KAZN: variants seen among roughly 807,000 people sequenced by gnomAD.
KAZN encodes the protein kazrin, periplakin interacting protein, also known as kazrin.
Under a neutral mutation model 87.4 loss-of-function variants are expected in KAZN, and 40 were observed. That is an observed-to-expected ratio of 0.46 (90% confidence interval 0.36 to 0.60). KAZN has a LOEUF of 0.60. Among genes scored for constraint, KAZN ranks in the 20% least tolerant of loss-of-function variants. The probability of loss-of-function intolerance (pLI) is 0.00; values close to 1 mark genes in which losing one functional copy is unlikely to be tolerated. For synonymous variants in KAZN, 466 were observed against 458.3 expected (o/e 1.02, Z -0.22); for missense variants, 898 against 1,073.9 (o/e 0.84, Z 2.29).
chr1:14,565,266 C>T (rs1304335100), intron 2 of KAZN, among the ~76,000 whole-genome samples: 2 of 152,168 alleles, frequency 1.3e-5, no homozygotes, highest in African/African-American at 4.8e-5. Flanking sequence ...TGAATGTCAT[C>T]ATAAAGTGAG....
At chr1:14,651,560 C>T (rs759253158) in intron 1 of KAZN, among the ~76,000 whole-genome samples, 9 of 152,120 alleles carry the variant, frequency 5.9e-5, no homozygotes, top group African/African-American at 9.7e-5. Flanking sequence ...CCTGGAACTA[C>T]GAATGTTTCT....
intron 1 of KAZN, among the ~76,000 whole-genome samples, chr1:14,770,372 C>T (rs12409934): frequency 1.4e-4 from 21 of 152,210 alleles, no homozygotes; most frequent in Middle Eastern, 3.4e-3. Context: ...TGATAGAGAA[C>T]GGATAATGCC....
chr1:14,394,566 TG>T (rs1479516743), intron 2 of KAZN, among the ~76,000 whole-genome samples: 2 of 152,212 alleles, frequency 1.3e-5, no homozygotes, highest in Non-Finnish European at 2.9e-5. Context: ...ATAACACTCC[TG>T]GGAAAATATA....
chr1:14,698,142 G>A (rs1641717901), intron 1 of KAZN, among the ~76,000 whole-genome samples: 1 of 152,226 alleles, frequency 6.6e-6, no homozygotes, highest in South Asian at 2.1e-4. Context: ...GGGAACGGGT[G>A]TGAATTTCCA....
At chr1:14,410,737 G>C (rs1486545268) in intron 2 of KAZN, among the ~76,000 whole-genome samples, 1 of 152,212 alleles carries the variant, frequency 6.6e-6, no homozygotes, top group Non-Finnish European at 1.5e-5. Context: ...ATGTGAAAGA[G>C]AACCCTGGAG....
intron 2 of KAZN, among the ~76,000 whole-genome samples, chr1:14,486,409 T>G (rs1256222038): frequency 6.6e-6 from 1 of 152,144 alleles, no homozygotes; most frequent in Non-Finnish European, 1.5e-5. Context: ...TGGCTTGTGG[T>G]TAAAATCCTG....
At chr1:14,449,148 A>G (rs1001505071) in intron 2 of KAZN, among the ~76,000 whole-genome samples, 2 of 152,208 alleles carry the variant, frequency 1.3e-5, no homozygotes, top group Non-Finnish European at 2.9e-5. Context: ...ATAACTAGAA[A>G]ATTCAAGGAG....
At chr1:13,939,196 A>C (rs1640847354) in intron 1 of KAZN, among the ~76,000 whole-genome samples, 1 of 152,302 alleles carries the variant, frequency 6.6e-6, no homozygotes, top group South Asian at 2.1e-4. Context: ...CCAGATTGCA[A>C]ATTTTTAAAA....
chr1:14,056,601 C>T (rs996310261), intron 1 of KAZN, among the ~76,000 whole-genome samples: 22 of 152,202 alleles, frequency 1.4e-4, no homozygotes, highest in African/African-American at 5.1e-4. Context: ...ACTTTTGTTA[C>T]AGCAGCAACA....
intron 1 of KAZN, among the ~76,000 whole-genome samples, chr1:14,892,307 G>A (rs1266710645): frequency 1.3e-5 from 2 of 152,160 alleles, no homozygotes; most frequent in African/African-American, 4.8e-5. Context: ...TGATGACCCA[G>A]GTCCCAAGAT....
intron 2 of KAZN, among the ~76,000 whole-genome samples, chr1:15,004,561 T>A (rs940129136): frequency 2.0e-5 from 3 of 152,194 alleles, no homozygotes; most frequent in Non-Finnish European, 4.4e-5. Context: ...AATGAGATGA[T>A]GTGTGTAAAT....
chr1:14,606,622 G>A (rs1384188443), intron 1 of KAZN, among the ~76,000 whole-genome samples: 2 of 152,042 alleles, frequency 1.3e-5, no homozygotes, highest in Non-Finnish European at 2.9e-5. Flanking sequence ...TTTTGCCTGA[G>A]TTCTCTCTCT....
chr1:14,406,933 TA>T (rs1241133569), intron 2 of KAZN, among the ~76,000 whole-genome samples: 1 of 152,112 alleles, frequency 6.6e-6, no homozygotes, highest in African/African-American at 2.4e-5. Flanking sequence ...CTGCTGTACA[TA>T]AAGTGCAAAC....
intron 2 of KAZN, among the ~76,000 whole-genome samples, chr1:14,220,882 A>G (rs1387402189): frequency 1.3e-5 from 2 of 152,164 alleles, no homozygotes; most frequent in African/African-American, 4.8e-5. Context: ...ATTTTTAAGA[A>G]AAAAGATTTA....
In KAZN at chr1:15,089,356, C is replaced by A. The variant is rs1361433885; in HGVS notation, c.1223-4824C>A. Among the ~76,000 whole-genome samples, 7 of 152,264 alleles carry A rather than the reference C, an allele frequency of 4.6e-5. No individual in the cohort carries two copies. In the South Asian group the frequency reaches 8.3e-4, roughly 18 times the overall value. ...CACCTCACTGAGAGCCCCACCCCTC[C>A]CACCTTGACCAGGCAAGAGTCCAGC... On this transcript the variant is annotated intron_variant, in intron 8 of 14. Transcript: ENST00000376030.
chr1:14,122,129 A>C (rs1241223795), intron 1 of KAZN, among the ~76,000 whole-genome samples: 1 of 152,230 alleles, frequency 6.6e-6, no homozygotes, highest in East Asian at 1.9e-4. Context: ...GTGCTGCAAC[A>C]GGGAGACCCA....
intron 2 of KAZN, among the ~76,000 whole-genome samples, chr1:14,454,993 C>T (rs1394420869): frequency 1.3e-5 from 2 of 152,172 alleles, no homozygotes; most frequent in Non-Finnish European, 2.9e-5. Context: ...AGCAGGAAGC[C>T]TCCATTCCTC....
At chr1:13,907,461 T>A (rs1013517723) in intron 1 of KAZN, among the ~76,000 whole-genome samples, 3 of 151,958 alleles carry the variant, frequency 2.0e-5, no homozygotes, top group Admixed American at 1.3e-4. Flanking sequence ...AGTGACAGGA[T>A]TTAAGGCAAG....
At chr1:14,981,006 T>C (rs113135287) in intron 2 of KAZN, among the ~76,000 whole-genome samples, 46 of 152,258 alleles carry the variant, frequency 3.0e-4, no homozygotes, top group African/African-American at 1.1e-3. Context: ...CCATGGCCAC[T>C]GGGTCTTCCA....
Sources: gnomAD v4.1 joint callset for allele counts (sites outside exome capture counted in the v4.1 genomes callset) on GRCh38, gnomAD v4.1.1 for gene constraint, MANE v1.5 for transcripts, NCBI Gene and HGNC (gene_info 2026-07-23, HGNC 2026-07-21) for gene names.